Variants in ANKS1B observed in about 807,000 individuals in gnomAD.
The protein encoded by ANKS1B is ankyrin repeat and sterile alpha motif domain-containing protein 1B.
A neutral mutation model predicts 148.3 loss-of-function variants in ANKS1B; 36 were observed. The ratio of observed to expected loss-of-function variants is 0.24; its 90% CI spans 0.19 to 0.32. The LOEUF (loss-of-function observed/expected upper bound fraction) is 0.32. ANKS1B is among the 10% of genes least tolerant of loss of function. The pLI is 1.00. For missense variants in ANKS1B, 1,157 were observed against 1,542.6 expected (o/e 0.75, Z 4.19); for synonymous variants, 542 against 560.8 (o/e 0.97, Z 0.47).
intron 10 of ANKS1B, among the ~76,000 whole-genome samples, chr12:99,462,893 T>C (rs1163853662): frequency 6.6e-6 from 1 of 152,208 alleles, no homozygotes; most frequent in Non-Finnish European, 1.5e-5. Flanking sequence ...CATCATGTGA[T>C]ATGCCTTCTC....
rs533869189 is a variant in ANKS1B at position 99,481,080 on chromosome 12, C to T, written c.1438+23396G>A. 8.7e-4 allele frequency among the ~76,000 whole-genome samples: 132 copies of T among 151,472 alleles called. 1 individual carries two copies. Among genetic ancestry groups the T allele is most frequent in the African/African-American group, 2.3e-3 (96 of 41,396 alleles). On this transcript the variant is annotated intron_variant, in intron 10 of 26. Transcript: ENST00000683438. ...GAGGTATAAGTGGTTTTATGTTACA[C>T]GCATGAATTATATAGTGGTGAATTC...
At chr12:98,794,597 A>G in intron 22 of ANKS1B, 1 of 776,936 alleles carries the variant, frequency 1.3e-6, no homozygotes, top group Non-Finnish European at 2.3e-6. Flanking sequence ...AAATGTCATT[A>G]AAAACTTTAA....
chr12:99,570,813 G>A lies in ANKS1B; in HGVS notation c.1273-66172C>T, dbSNP rs563940566. 1.9e-4 allele frequency among the ~76,000 whole-genome samples: 29 copies of A among 152,016 alleles called. 1 individual carries two copies. In the South Asian group the frequency reaches 2.5e-3, roughly 13 times the overall value. On this transcript the variant is annotated intron_variant, in intron 9 of 26. Coordinates refer to ENST00000683438, the MANE Select transcript of ANKS1B (RefSeq NM_001352186.2). Reference sequence around the variant, plus strand: ...CTTTATAAAAGTATATACAATGTACGTACTTTAGAGATCAATTGTTAAAGA... The same window carrying A: ...CTTTATAAAAGTATATACAATGTACATACTTTAGAGATCAATTGTTAAAGA...
intron 9 of ANKS1B, among the ~76,000 whole-genome samples, chr12:99,571,366 G>A (rs987127098): frequency 1.3e-5 from 2 of 151,462 alleles, no homozygotes; most frequent in African/African-American, 4.9e-5. Context: ...TAGATAGAGA[G>A]ATATAATATA....
intron 9 of ANKS1B, among the ~76,000 whole-genome samples, chr12:99,555,218 TG>T (rs988499672): frequency 1.3e-5 from 2 of 152,148 alleles, no homozygotes; most frequent in African/African-American, 4.8e-5. Context: ...TTTTAAGTTC[TG>T]GGAGAAATTG....
At position 99,059,452 on chromosome 12, in the gene ANKS1B, T is replaced by A. The variant is rs79098888; in HGVS notation, c.2626-6143A>T. ...CTCCATGTTATGAAAACTAAGGTTA[T>A]CTTTTTCTGCCTAACAATAACATTC... On this transcript the variant is annotated intron_variant, in intron 16 of 26. Coordinates refer to ENST00000683438, the MANE Select transcript of ANKS1B (RefSeq NM_001352186.2). 5.9e-3 allele frequency among the ~76,000 whole-genome samples: 892 copies of A among 152,142 alleles called. 15 individuals carry two copies. The highest frequency in any genetic ancestry group is 0.02 in the African/African-American group (845 of 41,554).
At chr12:99,626,892 G>C (rs546653854) in intron 9 of ANKS1B, among the ~76,000 whole-genome samples, 1 of 152,110 alleles carries the variant, frequency 6.6e-6, no homozygotes, top group Admixed American at 6.6e-5. Flanking sequence ...TAAAGAACAA[G>C]GTTGGTGATG....
At chr12:98,836,839 T>C (rs2153709701) in intron 17 of ANKS1B, among the ~76,000 whole-genome samples, 1 of 152,280 alleles carries the variant, frequency 6.6e-6, no homozygotes, top group Middle Eastern at 3.4e-3. Context: ...GTTGAAGCAA[T>C]TCAGTTCGGC....
intron 1 of ANKS1B, among the ~76,000 whole-genome samples, chr12:99,973,220 C>T (rs569965484): frequency 5.9e-4 from 90 of 152,320 alleles, no homozygotes; most frequent in Non-Finnish European, 1.6e-4. Context: ...TTCAAGTCTT[C>T]TTATTTAAGA....
intron 1 of ANKS1B, among the ~76,000 whole-genome samples, chr12:99,895,426 CGTGTGT>C (rs3054221): frequency 6.7e-6 from 1 of 148,948 alleles, no homozygotes; most frequent in Non-Finnish European, 1.5e-5. Context: ...ACCCCCAACC[CGTGTGT>C]GTGTGTGTGT....
intron 17 of ANKS1B, among the ~76,000 whole-genome samples, chr12:99,002,400 C>T (rs570274797): frequency 1.3e-5 from 2 of 152,032 alleles, no homozygotes; most frequent in East Asian, 1.9e-4. Flanking sequence ...ATATTTACAG[C>T]GTACAACATG....
chr12:99,693,781 CTT>C (rs397851171), intron 8 of ANKS1B, among the ~76,000 whole-genome samples: 15 of 132,674 alleles, frequency 1.1e-4, no homozygotes, highest in East Asian at 2.2e-4. Flanking sequence ...ATTTTTTGGA[CTT>C]TTTTTTTTTT....
chr12:98,768,397 G>A (rs1347517454), intron 25 of ANKS1B, among the ~76,000 whole-genome samples: 1 of 129,602 alleles, frequency 7.7e-6, no homozygotes. Flanking sequence ...AATGTGTTCT[G>A]CAGAAGGCCA....
At chr12:99,197,235 G>A (rs1195290710) in intron 14 of ANKS1B, among the ~76,000 whole-genome samples, 3 of 152,078 alleles carry the variant, frequency 2.0e-5, no homozygotes, top group African/African-American at 2.4e-5. Flanking sequence ...AAAAGAGTAA[G>A]GAATATTGGA....
chr12:99,030,970 C>G (rs1303616693), intron 17 of ANKS1B, among the ~76,000 whole-genome samples: 1 of 152,192 alleles, frequency 6.6e-6, no homozygotes, highest in Non-Finnish European at 1.5e-5. Context: ...GCAAGAAGGG[C>G]CAAGAAGAGC....
intron 12 of ANKS1B, among the ~76,000 whole-genome samples, chr12:99,255,003 T>C (rs1272271926): frequency 1.3e-5 from 2 of 152,172 alleles, no homozygotes; most frequent in African/African-American, 4.8e-5. Flanking sequence ...TTTTACATGA[T>C]TACTCACCTC....
chr12:99,863,837 C>T (rs1054036402), intron 1 of ANKS1B, among the ~76,000 whole-genome samples: 4 of 152,002 alleles, frequency 2.6e-5, no homozygotes, highest in African/African-American at 9.7e-5. Context: ...TTTGGGATGC[C>T]GAGGCTGGAG....
At chr12:99,874,511 A>G (rs1282346091) in intron 1 of ANKS1B, among the ~76,000 whole-genome samples, 1 of 152,164 alleles carries the variant, frequency 6.6e-6, no homozygotes, top group Non-Finnish European at 1.5e-5. Flanking sequence ...TGTCATTTCA[A>G]TACATTTACA....
intron 9 of ANKS1B, among the ~76,000 whole-genome samples, chr12:99,652,075 A>G (rs533142397): frequency 1.1e-4 from 17 of 150,246 alleles, no homozygotes; most frequent in East Asian, 9.7e-4. Context: ...TTACATGTGT[A>G]TATATATATA....
Sources: gnomAD v4.1 joint callset for allele counts (sites outside exome capture counted in the v4.1 genomes callset) on GRCh38, gnomAD v4.1.1 for gene constraint, MANE v1.5 for transcripts, NCBI Gene and HGNC (gene_info 2026-07-23, HGNC 2026-07-21) for gene names.